The following LRP6 variants were observed in gnomAD, a reference collection of about 807,000 sequenced individuals.
LRP6 encodes the protein low-density lipoprotein receptor-related protein 6.
Under a neutral mutation model 184.1 loss-of-function variants are expected in LRP6, and 43 were observed. That is an observed-to-expected ratio of 0.23 (90% CI 0.18 to 0.30). The LOEUF is 0.30. Ranked by LOEUF, LRP6 falls within the 10% of genes least tolerant of loss-of-function variation. The pLI, the probability that LRP6 is intolerant of heterozygous loss-of-function variation, is 1.00. For missense variants in LRP6, 1,571 were observed against 2,005.3 expected, an observed-to-expected ratio of 0.78 and a Z score of 4.14; for synonymous variants, 719 against 684.9, an observed-to-expected ratio of 1.05 and a Z score of -0.78.
Position 12,171,528 on chromosome 12 carries a change from A to T in LRP6, c.1546-6233T>A, listed in dbSNP as rs1863043049. Reference sequence around the variant, plus strand: ...CAGAGTGAAACTCAGTCTCAAAAAAAAATAAAATAAATAAATAAATAAATA... The same window carrying T: ...CAGAGTGAAACTCAGTCTCAAAAAATAATAAAATAAATAAATAAATAAATA... On this transcript the variant is annotated intron_variant, in intron 7 of 22. Transcript: ENST00000261349. Among the ~76,000 whole-genome samples the T allele has an allele frequency of 4.9e-5, 4 of 81,790 alleles. No homozygotes were observed. In the South Asian group the frequency reaches 2.2e-3, roughly 44 times the overall value. 53.7% of individuals were successfully genotyped at this position (81,790 alleles called of 152,430 possible). A position where few individuals can be genotyped will look rare whatever the true frequency, so the allele number is the denominator to read the frequency against.
At chr12:12,189,508 A>AT (rs903656882) in intron 3 of LRP6, among the ~76,000 whole-genome samples, 31 of 150,456 alleles carry the variant, frequency 2.1e-4, no homozygotes, top group South Asian at 6.3e-4. Flanking sequence ...ACTAATATTA[A>AT]TTTTTTTTTT....
intron 2 of LRP6, among the ~76,000 whole-genome samples, chr12:12,215,385 T>C (rs1165942913): frequency 6.6e-6 from 1 of 152,184 alleles, no homozygotes; most frequent in South Asian, 2.1e-4. Flanking sequence ...TGTTTACTAT[T>C]ACTAATGGCC....
intron 13 of LRP6, among the ~76,000 whole-genome samples, chr12:12,149,575 C>T (rs1277815477): frequency 1.3e-5 from 2 of 152,190 alleles, no homozygotes. Context: ...ACATTTTTTA[C>T]TGTCACGACT....
chr12:12,232,793 G>T (rs1864827061), intron 2 of LRP6, among the ~76,000 whole-genome samples: 1 of 152,134 alleles, frequency 6.6e-6, no homozygotes, highest in Non-Finnish European at 1.5e-5. Flanking sequence ...ATCAATAGAT[G>T]AGTGGTTAAT....
At chr12:12,229,483 T>G (rs902669499) in intron 2 of LRP6, among the ~76,000 whole-genome samples, 3 of 152,170 alleles carry the variant, frequency 2.0e-5, no homozygotes, top group African/African-American at 7.2e-5. Flanking sequence ...CCTTGACTAC[T>G]TCATTTTATT....
chr12:12,220,817 C>T (rs533736290), intron 2 of LRP6, among the ~76,000 whole-genome samples: 2 of 152,214 alleles, frequency 1.3e-5, no homozygotes, highest in East Asian at 3.9e-4. Context: ...CCAGGCTGGT[C>T]TCAAACTCCT....
rs1949516870 is a variant in LRP6, at chr12:12,116,073, A to C, written c.*5053T>G. 6.6e-6 allele frequency: 1 copy of C among 152,252 alleles called. No homozygotes were observed. Among genetic ancestry groups the C allele is most frequent in the Non-Finnish European group, 1.5e-5 (1 of 68,052 alleles). The allele number at this position is 152,252 out of a possible 1,614,324, so 9.4% of individuals were successfully genotyped here. ...ACAAAAATCAAATTTCATTTGTTAC[A>C]ATTCAGCTTATTTATTGTAATAATC... On this transcript the variant is annotated 3_prime_UTR_variant, in exon 23 of 23. Coordinates refer to ENST00000261349, the MANE Select transcript of LRP6 (RefSeq NM_002336.3).
chr12:12,146,706 G>A (rs1197655910), intron 15 of LRP6, among the ~76,000 whole-genome samples: 2 of 152,186 alleles, frequency 1.3e-5, no homozygotes, highest in Non-Finnish European at 2.9e-5. Context: ...AAGTAAAGCA[G>A]TGACATTAAA....
At chr12:12,222,882 AT>A (rs1487043404) in intron 2 of LRP6, among the ~76,000 whole-genome samples, 1 of 152,150 alleles carries the variant, frequency 6.6e-6, no homozygotes, top group Non-Finnish European at 1.5e-5. Context: ...AATCCTAAAA[AT>A]AACACTAACG....
At chr12:12,224,017 C>T (rs1864552781) in intron 2 of LRP6, among the ~76,000 whole-genome samples, 1 of 152,160 alleles carries the variant, frequency 6.6e-6, no homozygotes, top group Non-Finnish European at 1.5e-5. Context: ...ATGTGCAGTG[C>T]CTTTTGCCTT....
At chr12:12,232,955 C>T (rs1412575411) in intron 2 of LRP6, among the ~76,000 whole-genome samples, 2 of 152,130 alleles carry the variant, frequency 1.3e-5, no homozygotes, top group African/African-American at 4.8e-5. Flanking sequence ...CACCTAACAT[C>T]CCAACTGCTC....
intron 3 of LRP6, among the ~76,000 whole-genome samples, chr12:12,191,931 G>A (rs1863627903): frequency 6.6e-6 from 1 of 151,958 alleles, no homozygotes; most frequent in East Asian, 1.9e-4. Context: ...GAACTATACT[G>A]GAACAAGGAA....
intron 16 of LRP6, among the ~76,000 whole-genome samples, 189 bp downstream of exon 16, chr12:12,138,136 A>C (rs991231244): frequency 6.6e-6 from 1 of 151,600 alleles, no homozygotes; most frequent in African/African-American, 2.4e-5. Flanking sequence ...GTGACACTGC[A>C]CTCCAGCCTG....
chr12:12,235,730 C>G (rs1282281617), intron 2 of LRP6, among the ~76,000 whole-genome samples: 14 of 128,698 alleles, frequency 1.1e-4, no homozygotes, highest in Non-Finnish European at 2.2e-4. Flanking sequence ...AACTCCGGCT[C>G]AAAAAAAAAA....
chr12:12,259,891 C>T (rs1292583533), intron 1 of LRP6, among the ~76,000 whole-genome samples: 2 of 152,120 alleles, frequency 1.3e-5, no homozygotes, highest in East Asian at 3.8e-4. Flanking sequence ...TAGCATTCAG[C>T]CATCCTGCAG....
At chr12:12,164,955 A>AAAAAAAAAAAAAAAAAAG (rs1862837941) in intron 8 of LRP6, 124 bp downstream of exon 8, 3 of 529,280 alleles carry the variant, frequency 5.7e-6, no homozygotes, top group African/African-American at 2.1e-5. Flanking sequence ...AAAAAAAAAA[A>AAAAAAAAAAAAAAAAAAG]GGCGGGGGGG....
chr12:12,200,254 T>A (rs1863880495), intron 3 of LRP6, among the ~76,000 whole-genome samples: 1 of 152,196 alleles, frequency 6.6e-6, no homozygotes, highest in Admixed American at 6.5e-5. Context: ...ATTTGCATAA[T>A]CCTGGAGAAT....
chr12:12,211,718 C>T (rs1188223738), intron 2 of LRP6, among the ~76,000 whole-genome samples: 4 of 152,156 alleles, frequency 2.6e-5, no homozygotes, highest in Non-Finnish European at 5.9e-5. Context: ...CAGCCTTAAG[C>T]ACCCAGTCTA....
Position 12,118,445 on chromosome 12 carries a change from A to G in LRP6, c.*2681T>C, listed in dbSNP as rs1355568265. On this transcript the variant is annotated 3_prime_UTR_variant, in exon 23 of 23. Transcript: ENST00000261349. ...ATATATTTTAGGACACATGTTCAAAATAAATACTTTTGCATATAAGGAATC... is the reference window on the plus strand; with the variant it reads ...ATATATTTTAGGACACATGTTCAAAGTAAATACTTTTGCATATAAGGAATC... 2 of 152,248 alleles carry G rather than the reference A, an allele frequency of 1.3e-5. No individual in the cohort carries two copies. The highest frequency in any genetic ancestry group is 4.8e-5 in the African/African-American group (2 of 41,472). 9.4% of individuals were successfully genotyped at this position (152,248 alleles called of 1,614,324 possible). A position where few individuals can be genotyped will look rare whatever the true frequency, so the allele number is the denominator to read the frequency against.
Sources: gnomAD v4.1 joint callset for allele counts (sites outside exome capture counted in the v4.1 genomes callset) on GRCh38, gnomAD v4.1.1 for gene constraint, MANE v1.5 for transcripts, NCBI Gene and HGNC (gene_info 2026-07-23, HGNC 2026-07-21) for gene names.